PEBP4: variants seen among roughly 807,000 people sequenced by gnomAD.
PEBP4 encodes phosphatidylethanolamine binding protein 4.
PEBP4 carries 22 observed loss-of-function variants against 23.9 expected under a neutral mutation model. The ratio of observed to expected loss-of-function variants is 0.92; its 90% CI spans 0.66 to 1.31. PEBP4 has a LOEUF of 1.31. Ranked by LOEUF, PEBP4 falls within the 40% of genes most tolerant of loss-of-function variation. The pLI, the probability that PEBP4 is intolerant of heterozygous loss-of-function variation, is 0.00. For missense variants in PEBP4, 324 were observed against 281.7 expected (o/e 1.15, Z -1.07); for synonymous variants, 112 against 99.3 (o/e 1.13, Z -0.76).
chr8:22,811,003 C>T (rs924412151), intron 4 of PEBP4, among the ~76,000 whole-genome samples: 12 of 151,954 alleles, frequency 7.9e-5, no homozygotes, highest in Non-Finnish European at 1.8e-4. Flanking sequence ...AACGAAAAAG[C>T]TTTGTTTACA....
At chr8:22,933,563 G>C (rs1309400069) in intron 1 of PEBP4, among the ~76,000 whole-genome samples, 2 of 152,178 alleles carry the variant, frequency 1.3e-5, no homozygotes, top group Non-Finnish European at 2.9e-5. Flanking sequence ...TCTATGTCCA[G>C]CAAAAGTATC....
At chr8:22,894,166 T>C (rs1333248398) in intron 3 of PEBP4, among the ~76,000 whole-genome samples, 1 of 149,284 alleles carries the variant, frequency 6.7e-6, no homozygotes, top group Non-Finnish European at 1.5e-5. Context: ...TTTGGCGGAA[T>C]TGCACGATAG....
chr8:22,891,737 A>T (rs753098057), intron 3 of PEBP4, among the ~76,000 whole-genome samples: 3 of 152,166 alleles, frequency 2.0e-5, no homozygotes, highest in African/African-American at 7.2e-5. Context: ...ACCCTTCCTC[A>T]TCATCCTCCC....
At chr8:22,825,807 A>G (rs1806955210) in intron 3 of PEBP4, among the ~76,000 whole-genome samples, 1 of 152,274 alleles carries the variant, frequency 6.6e-6, no homozygotes, top group Admixed American at 6.5e-5. Flanking sequence ...CAACAGATGA[A>G]TGGATAAAGA....
At chr8:22,729,768 C>A (rs1430813422) in intron 4 of PEBP4, among the ~76,000 whole-genome samples, 1 of 152,144 alleles carries the variant, frequency 6.6e-6, no homozygotes, top group African/African-American at 2.4e-5. Context: ...TCCTCACTGG[C>A]AGAAAGAACG....
At chr8:22,863,892 C>G (rs1323380167) in intron 3 of PEBP4, among the ~76,000 whole-genome samples, 1 of 152,180 alleles carries the variant, frequency 6.6e-6, no homozygotes, top group Admixed American at 6.5e-5. Flanking sequence ...AAATGTTTCT[C>G]AAATGCACGC....
At chr8:22,910,254 G>A (rs1400689165) in intron 3 of PEBP4, among the ~76,000 whole-genome samples, 1 of 152,228 alleles carries the variant, frequency 6.6e-6, no homozygotes, top group Admixed American at 6.5e-5. Flanking sequence ...AAATAAAAAG[G>A]ATTGTCATGA....
At chr8:22,795,690 G>A (rs917850447) in intron 4 of PEBP4, among the ~76,000 whole-genome samples, 1 of 152,092 alleles carries the variant, frequency 6.6e-6, no homozygotes, top group Admixed American at 6.6e-5. Context: ...AATTAATTTG[G>A]GGAATGTTGA....
chr8:22,821,977 C>A (rs1444015215), intron 3 of PEBP4, among the ~76,000 whole-genome samples: 2 of 84,812 alleles, frequency 2.4e-5, no homozygotes, highest in Non-Finnish European at 2.4e-5. Context: ...AGAGCAAGAC[C>A]TCGTCTCAAA....
intron 3 of PEBP4, among the ~76,000 whole-genome samples, chr8:22,888,216 T>C (rs1049036298): frequency 6.6e-6 from 1 of 151,056 alleles, no homozygotes; most frequent in African/African-American, 2.4e-5. Flanking sequence ...TGCAGTGGTA[T>C]GATCGCAGCT....
chr8:22,859,224 C>T (rs113379690), intron 3 of PEBP4, among the ~76,000 whole-genome samples: 3 of 152,168 alleles, frequency 2.0e-5, no homozygotes, highest in Admixed American at 6.5e-5. Flanking sequence ...TCAGACTCCC[C>T]CCGTGGAGCC....
intron 4 of PEBP4, among the ~76,000 whole-genome samples, chr8:22,800,060 T>G (rs1274007721): frequency 1.3e-5 from 2 of 152,200 alleles, no homozygotes; most frequent in Non-Finnish European, 2.9e-5. Context: ...TGTAGGGACA[T>G]GGATGAAGCT....
intron 3 of PEBP4, among the ~76,000 whole-genome samples, chr8:22,911,427 T>G (rs1009612): frequency 0.045 from 6,898 of 152,000 alleles, 551 homozygotes; most frequent in African/African-American, 0.15. Flanking sequence ...AGTGGGCACC[T>G]CCTCCCAGCA....
chr8:22,793,560 C>T (rs779599307), intron 4 of PEBP4, among the ~76,000 whole-genome samples: 7 of 151,584 alleles, frequency 4.6e-5, no homozygotes, highest in Non-Finnish European at 8.8e-5. Context: ...AGATTATAGA[C>T]GTGAGCCATC....
At chr8:22,845,459 G>T (rs1784579750) in intron 3 of PEBP4, among the ~76,000 whole-genome samples, 1 of 152,132 alleles carries the variant, frequency 6.6e-6, no homozygotes, top group South Asian at 2.1e-4. Flanking sequence ...GGAGGTTGAG[G>T]CTGCAGTGAG....
chr8:22,839,201 A>G (rs541407468), intron 3 of PEBP4, among the ~76,000 whole-genome samples: 2 of 152,254 alleles, frequency 1.3e-5, no homozygotes, highest in East Asian at 1.9e-4. Context: ...TGGGGGTGAG[A>G]GGCTGGGCTG....
intron 2 of PEBP4, chr8:22,924,719 G>T: frequency 1.0e-5 from 10 of 985,378 alleles, no homozygotes; most frequent in Non-Finnish European, 1.2e-5. Flanking sequence ...AGCAGGTGGG[G>T]TTTTTTGAGT....
At position 22,920,221 on chromosome 8, in the gene PEBP4, C is replaced by T; in HGVS notation, c.221G>A (p.Trp74Ter). 1 of 1,613,752 alleles carries T rather than the reference C, an allele frequency of 6.2e-7. No individual in the cohort carries two copies. The highest frequency in any genetic ancestry group is 1.7e-4 in the Middle Eastern group (1 of 6,060). ...CGGGAACTTGACTATCGGCTCCATC[C>T]AGGAGGTGATCTTCTGTCTGTAGTT... The part of the protein sequence containing the change: ...CNNYRQKITS[W>*]MEPIVKFPGA... The change falls in exon 3 of 7, where the codon TGG becomes TAG. Residue 74 changes from tryptophan to a stop codon, truncating the protein, a stop_gained. Coordinates refer to ENST00000256404, the MANE Select transcript of PEBP4 (RefSeq NM_144962.3). LOFTEE classifies it high-confidence loss of function.
chr8:22,769,004 T>G, intron 4 of PEBP4, among the ~76,000 whole-genome samples: 1 of 152,174 alleles, frequency 6.6e-6, no homozygotes. Flanking sequence ...AGAGCATTTG[T>G]GGACATTTGG....
Sources: allele counts gnomAD v4.1 joint callset (sites outside exome capture counted in the v4.1 genomes callset), GRCh38; gene constraint gnomAD v4.1.1; transcripts MANE v1.5; gene names NCBI Gene and HGNC (gene_info 2026-07-23, HGNC 2026-07-21).